The following TSNARE1 variants were observed in gnomAD, a reference collection of about 807,000 sequenced individuals.
TSNARE1 encodes the protein t-SNARE domain-containing protein 1.
Under a neutral mutation model 62.0 loss-of-function variants are expected in TSNARE1, and 49 were observed. That is an observed-to-expected ratio of 0.79 (90% confidence interval 0.63 to 1.00). TSNARE1 has a LOEUF of 1.00. Among genes scored for constraint, TSNARE1 ranks in the 50% least tolerant of loss-of-function variants. The probability of loss-of-function intolerance (pLI) is 0.00; values close to 1 mark genes in which losing one functional copy is unlikely to be tolerated. For synonymous variants in TSNARE1, 328 were observed against 294.4 expected (o/e 1.11, Z -1.17); for missense variants, 755 against 700.1 (o/e 1.08, Z -0.88).
At chr8:142,253,620 C>T (rs867025444) in intron 12 of TSNARE1, among the ~76,000 whole-genome samples, 1 of 152,120 alleles carries the variant, frequency 6.6e-6, no homozygotes, top group Non-Finnish European at 1.5e-5. Flanking sequence ...ACCAGCTGGG[C>T]TCTGTGTTTG....
chr8:142,227,358 C>A (rs192958243), intron 13 of TSNARE1, among the ~76,000 whole-genome samples: 2 of 80,934 alleles, frequency 2.5e-5, no homozygotes, highest in African/African-American at 1.8e-4. Flanking sequence ...TGCCCATAGC[C>A]CCAGTGACAG....
At chr8:142,300,728 C>T in intron 9 of TSNARE1, 84 bp from the exon 10 acceptor site, 1 of 1,505,004 alleles carries the variant, frequency 6.6e-7, no homozygotes, top group Non-Finnish European at 9.0e-7. Context: ...CAAAATGGTG[C>T]TTTTCCCTTC....
At position 142,281,579 on chromosome 8, in the gene TSNARE1, G is replaced by A. The variant is rs117484270; in HGVS notation, c.1363+2834C>T. Among the ~76,000 whole-genome samples the A allele has an allele frequency of 3.7e-3, 568 of 152,068 alleles. 6 individuals carry two copies. The highest frequency in any genetic ancestry group is 3.8e-3 in the Non-Finnish European group (256 of 67,970). On this transcript the variant is annotated intron_variant, in intron 11 of 13. Coordinates refer to ENST00000524325, the MANE Select transcript of TSNARE1 (RefSeq NM_145003.5). ...CTCCACAAGCAGAGGAGGCCACAGCGCATGGAGTCAGAACTGGACACAGTC... is the reference window on the plus strand; with the variant it reads ...CTCCACAAGCAGAGGAGGCCACAGCACATGGAGTCAGAACTGGACACAGTC...
chr8:142,255,239 T>C (rs1294730651), intron 12 of TSNARE1, among the ~76,000 whole-genome samples: 2 of 151,926 alleles, frequency 1.3e-5, no homozygotes, highest in African/African-American at 4.8e-5. Flanking sequence ...ATGCAGTGCC[T>C]AGTATGGAGG....
At chr8:142,256,644 G>A (rs1245880900) in intron 12 of TSNARE1, among the ~76,000 whole-genome samples, 2 of 149,762 alleles carry the variant, frequency 1.3e-5, no homozygotes, top group African/African-American at 4.9e-5. Context: ...ATCAGCAGAA[G>A]TAACTGTGCC....
intron 12 of TSNARE1, among the ~76,000 whole-genome samples, chr8:142,243,360 C>G (rs12545056): frequency 1.3e-5 from 2 of 151,528 alleles, no homozygotes; most frequent in Admixed American, 6.6e-5. Context: ...CTAAGTGTCC[C>G]CCCAAAGTCG....
chr8:142,228,011 C>A (rs1235273426), intron 13 of TSNARE1, among the ~76,000 whole-genome samples: 1 of 152,160 alleles, frequency 6.6e-6, no homozygotes, highest in Admixed American at 6.5e-5. Flanking sequence ...CCAGCCTTCC[C>A]GGAGTTTACA....
rs139509690 is a variant in TSNARE1 at position 142,304,001 on chromosome 8, G to C, written c.1132-3357C>G. The stretch of plus-strand genomic sequence containing the variant: ...GCACCTTGCCCAGGTCCTGCAGGTG[G>C]GATGGTGAGGCTGCCCTAGCCAGGT... On this transcript the variant is annotated intron_variant, in intron 9 of 13. Coordinates refer to ENST00000524325, the MANE Select transcript of TSNARE1 (RefSeq NM_145003.5). 7.6e-4 allele frequency among the ~76,000 whole-genome samples: 116 copies of C among 152,344 alleles called. No homozygotes were observed. The East Asian group carries it at 0.011, about 15-fold the overall frequency.
intron 13 of TSNARE1, among the ~76,000 whole-genome samples, chr8:142,224,749 C>A (rs1465976691): frequency 1.3e-5 from 2 of 151,798 alleles, no homozygotes; most frequent in Middle Eastern, 6.8e-3. Flanking sequence ...CCTCTTGGAG[C>A]TCCCAGGCTG....
At chr8:142,273,606 C>G (rs1819954424) in intron 12 of TSNARE1, 2 of 985,354 alleles carry the variant, frequency 2.0e-6, no homozygotes, top group Non-Finnish European at 2.4e-6. Flanking sequence ...AGGGACTGAC[C>G]CTTGGTGACC....
In TSNARE1 at chr8:142,363,824, GC is replaced by G. The variant is rs1835336551; in HGVS notation, c.-39-9062del. The stretch of plus-strand genomic sequence containing the variant: ...AGATCTCAGGGTGAAGACCACGCAC[GC>G]CCTCGCAAGAGACCGGGATACCCAA... On this transcript the variant is annotated intron_variant, in intron 1 of 13. Coordinates refer to ENST00000524325, the MANE Select transcript of TSNARE1 (RefSeq NM_145003.5). Among the ~76,000 whole-genome samples the G allele has an allele frequency of 3.3e-5, 5 of 152,260 alleles. No individual in the cohort carries two copies. In the South Asian group the frequency reaches 1.0e-3, roughly 32 times the overall value.
At chr8:142,327,743 C>A (rs890234306) in intron 6 of TSNARE1, among the ~76,000 whole-genome samples, 3 of 152,176 alleles carry the variant, frequency 2.0e-5, no homozygotes, top group Non-Finnish European at 4.4e-5. Context: ...AGCTGCCAAG[C>A]GAGGGCCCAC....
chr8:142,238,020 G>A (rs936347948), intron 12 of TSNARE1, among the ~76,000 whole-genome samples: 1 of 151,986 alleles, frequency 6.6e-6, no homozygotes, highest in Non-Finnish European at 1.5e-5. Flanking sequence ...ATCTGACTTA[G>A]GGAGGCAGCG....
intron 12 of TSNARE1, among the ~76,000 whole-genome samples, chr8:142,238,376 A>T (rs563816665): frequency 6.6e-6 from 1 of 151,960 alleles, no homozygotes; most frequent in South Asian, 2.1e-4. Context: ...TTTCCACACC[A>T]TTAACTGAAC....
chr8:142,337,178 T>G (rs938710547), intron 4 of TSNARE1, among the ~76,000 whole-genome samples: 2 of 152,162 alleles, frequency 1.3e-5, no homozygotes, highest in African/African-American at 4.8e-5. Context: ...TCTGGACCTT[T>G]CAAATGATTA....
At chr8:142,313,758 T>C (rs778961398) in intron 9 of TSNARE1, among the ~76,000 whole-genome samples, 1 of 152,224 alleles carries the variant, frequency 6.6e-6, no homozygotes, top group Admixed American at 6.5e-5. Flanking sequence ...TCTGTATGCA[T>C]GTGCCTGTGT....
At chr8:142,357,068 C>T (rs954595451) in intron 1 of TSNARE1, among the ~76,000 whole-genome samples, 10 of 152,014 alleles carry the variant, frequency 6.6e-5, no homozygotes, top group African/African-American at 1.9e-4. Context: ...ACGAAGACAC[C>T]GCAGAGTCAG....
chr8:142,375,018 G>A (rs1028713168), intron 1 of TSNARE1, among the ~76,000 whole-genome samples: 34 of 152,206 alleles, frequency 2.2e-4, no homozygotes, highest in African/African-American at 8.2e-4. Context: ...TTGCTGGAAA[G>A]ACCCAAATTT....
At position 142,291,516 on chromosome 8, in the gene TSNARE1, C is replaced by T. The variant is rs1823743655; in HGVS notation, c.1291-7031G>A. On this transcript the variant is annotated intron_variant, in intron 10 of 13. Coordinates refer to ENST00000524325, the MANE Select transcript of TSNARE1 (RefSeq NM_145003.5). The surrounding 1 kb of genome is among the most constrained non-coding windows in gnomAD (Gnocchi z 4.8). ...AGAAACACACTCACCCAGCCCCCGA[C>T]CCAGCCCTCCTCCACCCACCCCACC... 6.6e-6 allele frequency among the ~76,000 whole-genome samples: 1 copy of T among 151,368 alleles called. No homozygotes were observed. The highest frequency in any genetic ancestry group is 1.5e-5 in the Non-Finnish European group (1 of 67,804).
Sources: allele counts gnomAD v4.1 joint callset (sites outside exome capture counted in the v4.1 genomes callset), GRCh38; gene constraint gnomAD v4.1.1; non-coding constraint Gnocchi (gnomAD v3.1); transcripts MANE v1.5; gene names NCBI Gene and HGNC (gene_info 2026-07-23, HGNC 2026-07-21).